KLHL31: variants seen among roughly 807,000 people sequenced by gnomAD.
KLHL31 encodes the protein kelch like family member 31, also known as kelch-like protein 31.
Under a neutral mutation model 47.1 loss-of-function variants are expected in KLHL31, and 32 were observed. The ratio of observed to expected loss-of-function variants is 0.68; its 90% confidence interval spans 0.51 to 0.91. The LOEUF is 0.91. Ranked by LOEUF, KLHL31 falls within the 40% of genes least tolerant of loss-of-function variation. The probability of loss-of-function intolerance (pLI) is 0.00; values close to 1 mark genes in which losing one functional copy is unlikely to be tolerated. For synonymous variants in KLHL31, 330 were observed against 325.1 expected (o/e 1.01, Z -0.16); for missense variants, 797 against 819.3 (o/e 0.97, Z 0.33).
rs1397705636 is a variant in KLHL31 at position 53,650,319 on chromosome 6, A to T, written c.*1279T>A. ...ATTCCCTTTCCCCAAAACTTGGCAA[A>T]CATATAGGAAAAGTGCTATCAAGTG... On this transcript the variant is annotated 3_prime_UTR_variant, in exon 3 of 3. Transcript: ENST00000370905. The T allele has an allele frequency of 1.3e-5, 2 of 152,214 alleles. No individual in the cohort carries two copies. The highest frequency in any genetic ancestry group is 3.8e-4 in the East Asian group (2 of 5,198). 9.4% of individuals were successfully genotyped at this position (152,214 alleles called of 1,614,324 possible).
In KLHL31 at chr6:53,654,979, A is replaced by C; in HGVS notation, c.294T>G (p.Phe98Leu). 6.2e-7 allele frequency: 1 copy of C among 1,614,190 alleles called. No individual in the cohort carries two copies. The highest frequency in any genetic ancestry group is 2.2e-5 in the East Asian group (1 of 44,878). ...ACGGGTCTTTTTTTAGGATGTTGTAAAAATACTCACTGCATGAAGCCATGA... is the reference window on the plus strand; with the variant it reads ...ACGGGTCTTTTTTTAGGATGTTGTACAAATACTCACTGCATGAAGCCATGA... ...KSVMASCSEY[F>L]YNILKKDPSI... The change falls in exon 2 of 3, where the codon TTT becomes TTG. Residue 98 changes from phenylalanine (F) to leucine (L), a missense_variant. Physicochemically the swap from Phe to Leu is conservative, Grantham distance 22. Coordinates refer to ENST00000370905, the MANE Select transcript of KLHL31 (RefSeq NM_001003760.5).
rs1389741651 is a variant in KLHL31, at chr6:53,648,786, A to G, written c.*2812T>C. On this transcript the variant is annotated 3_prime_UTR_variant, in exon 3 of 3. Transcript: ENST00000370905. Reference sequence around the variant, plus strand: ...GATGACAACTTGGCACCAAGAACCTAACTAAAAATGGACAAAGTATGTTAA... The same window carrying G: ...GATGACAACTTGGCACCAAGAACCTGACTAAAAATGGACAAAGTATGTTAA... 3 of 152,164 alleles carry G rather than the reference A, an allele frequency of 2.0e-5. No individual in the cohort carries two copies. Among genetic ancestry groups the G allele is most frequent in the African/African-American group, 7.2e-5 (3 of 41,444 alleles). 9.4% of individuals were successfully genotyped at this position (152,164 alleles called of 1,614,324 possible). A position where few individuals can be genotyped will look rare whatever the true frequency, so the allele number is the denominator to read the frequency against.
intron 1 of KLHL31, 106 bp from the exon 2 acceptor site, chr6:53,655,411 A>G: frequency 3.6e-6 from 2 of 548,470 alleles, no homozygotes; most frequent in Non-Finnish European, 6.2e-6. Flanking sequence ...CATGGCATAA[A>G]ATAGATTAAT....
At position 53,654,123 on chromosome 6, in the gene KLHL31, G is replaced by A. The variant is rs1030477952; in HGVS notation, c.1150C>T (p.His384Tyr). ...TACCTGCAGAAATTGCTGACTGCATGCTTGGCTTGATTTCTTGCATCATTC... is the reference window on the plus strand; with the variant it reads ...TACCTGCAGAAATTGCTGACTGCATACTTGGCTTGATTTCTTGCATCATTC... ...DQNDARNQAK[H>Y]AVSNFCRYDP... The change falls in exon 2 of 3, where the codon CAT becomes TAT. Residue 384 changes from histidine to tyrosine, a missense_variant. By Grantham distance (83) the His-to-Tyr change is moderately conservative. Transcript: ENST00000370905. 4.4e-6 allele frequency: 7 copies of A among 1,608,236 alleles called. No homozygotes were observed. The highest frequency in any genetic ancestry group is 5.1e-6 in the Non-Finnish European group (6 of 1,177,056).
In KLHL31 at chr6:53,651,979, C is replaced by G; in HGVS notation, c.1524G>C (p.Ala508=). ...NLSTPRGWHC[A]VTLSDRVYVM... is the part of the protein sequence containing the mutation. ...CGTACACTCTGTCGCTCAGCGTGAC[C>G]GCGCAGTGCCAGCCCCGGGGTGTGC... is the stretch of plus-strand genomic sequence containing the variant. The change falls in exon 3 of 3, where the codon GCG becomes GCC. Residue 508 remains alanine, a synonymous_variant. Transcript: ENST00000370905. 2 of 1,592,486 alleles carry G rather than the reference C, an allele frequency of 1.3e-6. No homozygotes were observed. Among genetic ancestry groups the G allele is most frequent in the Non-Finnish European group, 1.7e-6 (2 of 1,175,726 alleles).
At chr6:53,656,817 C>T (rs1764567288) in intron 1 of KLHL31, among the ~76,000 whole-genome samples, 1 of 151,138 alleles carries the variant, frequency 6.6e-6, no homozygotes, top group Non-Finnish European at 1.5e-5. Flanking sequence ...GACACAAAAT[C>T]CAGAAGCTAT....
intron 1 of KLHL31, among the ~76,000 whole-genome samples, chr6:53,665,355 T>C (rs1764703413): frequency 6.6e-6 from 1 of 152,242 alleles, no homozygotes; most frequent in South Asian, 2.1e-4. Flanking sequence ...TTGTAGGGCA[T>C]CATTGTCATG....
At chr6:53,662,376 G>T (rs1351242026) in intron 1 of KLHL31, among the ~76,000 whole-genome samples, 2 of 152,192 alleles carry the variant, frequency 1.3e-5, no homozygotes, top group Non-Finnish European at 2.9e-5. Context: ...CTGGAAGGAG[G>T]AGCAGGTTTA....
chr6:53,651,940 G>T lies in KLHL31; in HGVS notation c.1563C>A (p.Ser521Arg), dbSNP rs1764477064. 6.3e-7 allele frequency: 1 copy of T among 1,590,182 alleles called. No individual in the cohort carries two copies. Among genetic ancestry groups the T allele is most frequent in the Non-Finnish European group, 8.5e-7 (1 of 1,174,806 alleles). The part of the protein sequence containing the change: ...LSDRVYVMGG[S>R]QLGPRGERVD... ...CGCGCTCCCCGCGCGGCCCCAGCTG[G>T]CTGCCGCCCATCACGTACACTCTGT... Residue 521 changes from serine (S) to arginine (R), a missense_variant, in exon 3 of 3, where the codon AGC (serine) becomes AGA (arginine). Transcript: ENST00000370905.
At position 53,655,074 on chromosome 6, in the gene KLHL31, G is replaced by T; in HGVS notation, c.199C>A (p.Arg67=). 6.2e-7 allele frequency: 1 copy of T among 1,613,940 alleles called. No individual in the cohort carries two copies. The highest frequency in any genetic ancestry group is 1.6e-4 in the Middle Eastern group (1 of 6,062). ...PNLLEGLSKM[R]QENFLCDLVI... is the part of the protein sequence containing the mutation. Reference sequence around the variant, plus strand: ...AAGTCACATAGGAAGTTCTCCTGCCGCATTTTACTTAAACCTTCCAAGAGG... The same window carrying T: ...AAGTCACATAGGAAGTTCTCCTGCCTCATTTTACTTAAACCTTCCAAGAGG... Residue 67 remains arginine, a synonymous_variant, in exon 2 of 3, where the codon CGG becomes AGG. Transcript: ENST00000370905.
In KLHL31 at chr6:53,651,918, G is replaced by A. The variant is rs765523296; in HGVS notation, c.1585C>T (p.Arg529Cys). 1.9e-6 allele frequency: 3 copies of A among 1,589,216 alleles called. No homozygotes were observed. Among genetic ancestry groups the A allele is most frequent in the Admixed American group, 1.7e-5 (1 of 58,292 alleles). Residue 529 changes from arginine (R) to cysteine (C), a missense_variant, in exon 3 of 3, where the codon CGC (arginine) becomes TGC (cysteine). Physicochemically the swap from Arg to Cys is radical, Grantham distance 180. Transcript: ENST00000370905. ...CACTCCACGGTGAGCACGTCCACGC[G>A]CTCCCCGCGCGGCCCCAGCTGGCTG... is the stretch of plus-strand genomic sequence containing the variant. ...GGSQLGPRGERVDVLTVECYS... is the reference protein window; with the variant it reads ...GGSQLGPRGECVDVLTVECYS...
chr6:53,655,855 C>T (rs549334945), intron 1 of KLHL31, among the ~76,000 whole-genome samples: 1 of 152,200 alleles, frequency 6.6e-6, no homozygotes, highest in South Asian at 2.1e-4. Flanking sequence ...GATCTGCCCA[C>T]CTCAGCCTCC....
Position 53,655,004 on chromosome 6 carries a change from A to G in KLHL31, c.269T>C (p.Val90Ala), listed in dbSNP as rs141059083. 3.1e-6 allele frequency: 5 copies of G among 1,614,054 alleles called. No homozygotes were observed. Among genetic ancestry groups the G allele is most frequent in the Non-Finnish European group, 4.2e-6 (5 of 1,180,038 alleles). The change falls in exon 2 of 3, where the codon GTC (valine) becomes GCC (alanine). Residue 90 changes from valine (V) to alanine (A), a missense_variant. By Grantham distance (64) the Val-to-Ala change is moderately conservative. Transcript: ENST00000370905. ...AAAATACTCACTGCATGAAGCCATG[A>G]CTGACTTATGAACATCAAAGGATTT... The part of the protein sequence containing the change: ...KTKSFDVHKS[V>A]MASCSEYFYN...
intron 1 of KLHL31, among the ~76,000 whole-genome samples, chr6:53,657,078 G>T (rs1330848613): frequency 6.6e-6 from 1 of 151,860 alleles, no homozygotes; most frequent in East Asian, 1.9e-4. Context: ...GGCTACAGGT[G>T]CATGACACTA....
chr6:53,654,645 T>G lies in KLHL31; in HGVS notation c.628A>C (p.Lys210Gln), dbSNP rs762206833. The G allele has an allele frequency of 6.2e-7, 1 of 1,614,194 alleles. No individual in the cohort carries two copies. The highest frequency in any genetic ancestry group is 8.5e-7 in the Non-Finnish European group (1 of 1,180,022). The change falls in exon 2 of 3, where the codon AAA becomes CAA. Residue 210 changes from lysine to glutamine, a missense_variant. By Grantham distance (53) the Lys-to-Gln change is moderately conservative. Transcript: ENST00000370905. Reference protein sequence around the residue: ...LEFAESDQFMKLTFEQINELL... With the variant: ...LEFAESDQFMQLTFEQINELL... ...TCATTAATTTGTTCAAATGTAAGTTTCATAAACTGATCCGATTCTGCAAAT... is the reference window on the plus strand; with the variant it reads ...TCATTAATTTGTTCAAATGTAAGTTGCATAAACTGATCCGATTCTGCAAAT...
rs972306727 is a variant in KLHL31, at chr6:53,648,457, AT to A, written c.*3140del. On this transcript the variant is annotated 3_prime_UTR_variant, in exon 3 of 3. Coordinates refer to ENST00000370905, the MANE Select transcript of KLHL31 (RefSeq NM_001003760.5). ...CTTGGCCAGGATAACCAGCAAAAAA[AT>A]AAAATTAAAAAATTGACCTTTTAGA... 2 of 152,214 alleles carry A rather than the reference AT, an allele frequency of 1.3e-5. No homozygotes were observed. Among genetic ancestry groups the A allele is most frequent in the African/African-American group, 2.4e-5 (1 of 41,464 alleles). 9.4% of individuals were successfully genotyped at this position (152,214 alleles called of 1,614,324 possible).
In KLHL31 at chr6:53,652,072, G is replaced by T; in HGVS notation, c.1431C>A (p.Asn477Lys). 2 of 1,597,322 alleles carry T rather than the reference G, an allele frequency of 1.3e-6. No individual in the cohort carries two copies. The highest frequency in any genetic ancestry group is 2.2e-5 in the East Asian group (1 of 44,690). ...AGGCGCACACAGAGCGCGAGTAGGC[G>T]TTGGCTATGTAGCCTCCGGTCACCA... ...RVLVTGGYIA[N>K]AYSRSVCAYD... The change falls in exon 3 of 3, where the codon AAC becomes AAA. Residue 477 changes from asparagine to lysine, a missense_variant. Coordinates refer to ENST00000370905, the MANE Select transcript of KLHL31 (RefSeq NM_001003760.5).
Position 53,648,546 on chromosome 6 carries a change from C to T in KLHL31, c.*3052G>A, listed in dbSNP as rs1168518986. On this transcript the variant is annotated 3_prime_UTR_variant, in exon 3 of 3. Coordinates refer to ENST00000370905, the MANE Select transcript of KLHL31 (RefSeq NM_001003760.5). ...TATTTGTAAAATACACTTACTACAACTGCTGCTTTACCTTAAATCATAGAA... is the reference window on the plus strand; with the variant it reads ...TATTTGTAAAATACACTTACTACAATTGCTGCTTTACCTTAAATCATAGAA... The T allele has an allele frequency of 1.3e-5, 2 of 152,186 alleles. No homozygotes were observed. Among genetic ancestry groups the T allele is most frequent in the Non-Finnish European group, 1.5e-5 (1 of 68,022 alleles). 9.4% of individuals were successfully genotyped at this position (152,186 alleles called of 1,614,324 possible). A position where few individuals can be genotyped will look rare whatever the true frequency, so the allele number is the denominator to read the frequency against.
rs559586061 is a variant in KLHL31 at position 53,656,427 on chromosome 6, T to A, written c.-33-1122A>T. ...AGGAATAAAAAGAAATTCAGTGGAA[T>A]AAGATAAGAGGTAGAAACCTATAAA... On this transcript the variant is annotated intron_variant, in intron 1 of 2. Coordinates refer to ENST00000370905, the MANE Select transcript of KLHL31 (RefSeq NM_001003760.5). 1.7e-4 allele frequency among the ~76,000 whole-genome samples: 26 copies of A among 152,156 alleles called. No homozygotes were observed. In the South Asian group the frequency reaches 5.2e-3, roughly 30 times the overall value.
Sources: allele counts gnomAD v4.1 joint callset (sites outside exome capture counted in the v4.1 genomes callset), GRCh38; gene constraint gnomAD v4.1.1; transcripts MANE v1.5; gene names NCBI Gene and HGNC (gene_info 2026-07-23, HGNC 2026-07-21).